The following LPIN3 variants were observed in gnomAD, a reference collection of about 807,000 sequenced individuals.
LPIN3 encodes phosphatidate phosphatase LPIN3.
A neutral mutation model predicts 94.7 loss-of-function variants in LPIN3; 82 were observed. The observed-to-expected ratio is 0.87, with a 90% CI of 0.72 to 1.04. The LOEUF is 1.04. LPIN3 is among the 50% of genes least tolerant of loss of function. LPIN3 has a pLI of 0.00. For missense variants in LPIN3, 996 were observed against 1,090.5 expected (o/e 0.91, Z 1.22); for synonymous variants, 418 against 443.3 (o/e 0.94, Z 0.72).
intron 3 of LPIN3, 88 bp downstream of exon 3, chr20:41,347,735 C>G (rs926182235): frequency 1.7e-6 from 2 of 1,194,246 alleles, no homozygotes; most frequent in East Asian, 2.6e-5. Context: ...TCACCATCCT[C>G]GCCCTTCCCC....
At chr20:41,351,997 G>T in intron 8 of LPIN3, 63 bp from the exon 9 acceptor site, 2 of 1,613,220 alleles carry the variant, frequency 1.2e-6, no homozygotes, top group South Asian at 2.2e-5. Flanking sequence ...GGGCCTGTGA[G>T]GAGGGAGGAC....
At chr20:41,354,900 G>C in intron 13 of LPIN3, 37 bp downstream of exon 13, 2 of 1,544,896 alleles carry the variant, frequency 1.3e-6, no homozygotes, top group South Asian at 2.4e-5. Context: ...TGCAGGGGGA[G>C]CCTGGGAAAG....
chr20:41,346,157 G>C (rs986275821), intron 2 of LPIN3, among the ~76,000 whole-genome samples, 162 bp downstream of exon 2: 3 of 152,180 alleles, frequency 2.0e-5, no homozygotes, highest in Admixed American at 2.0e-4. Context: ...TTTTTGGGTT[G>C]ATTTGGGGGT....
In LPIN3 at chr20:41,357,099, C is replaced by T. The variant is rs1214300478; in HGVS notation, c.1863C>T (p.Tyr621=). The T allele has an allele frequency of 6.2e-7, 1 of 1,614,094 alleles. No individual in the cohort carries two copies. The highest frequency in any genetic ancestry group is 1.3e-5 in the African/African-American group (1 of 75,054). ...NDVVFSVTTQ[Y]QGTCRCKATI... ...TGGTCTTCAGCGTGACCACTCAGTA[C>T]CAGGGCACCTGCCGCTGCAAGGCCA... is the stretch of plus-strand genomic sequence containing the variant. The change falls in exon 15 of 20, where the codon TAC becomes TAT. Residue 621 remains tyrosine (Y), a synonymous_variant. Transcript: ENST00000373257.
rs2046027553 is a variant in LPIN3, at chr20:41,351,851, C to G, written c.1133C>G (p.Pro378Arg). 1 of 1,614,198 alleles carries G rather than the reference C, an allele frequency of 6.2e-7. No individual in the cohort carries two copies. Among genetic ancestry groups the G allele is most frequent in the Admixed American group, 1.7e-5 (1 of 60,026 alleles). ...GSPKRSQHLG[P>R]SDIYLDDLPS... ...CCAAAGAGAAGCCAGCACCTGGGCC[C>G]CAGTGACATCTACCTGGATGACTTG... Residue 378 changes from proline to arginine, a missense_variant, in exon 8 of 20, where the codon CCC becomes CGC. Coordinates refer to ENST00000373257, the MANE Select transcript of LPIN3 (RefSeq NM_022896.3).
intron 5 of LPIN3, 24 bp from the exon 6 acceptor site, chr20:41,349,750 G>T: frequency 6.2e-7 from 1 of 1,601,460 alleles, no homozygotes; most frequent in South Asian, 1.1e-5. Context: ...GCAGGCTCAA[G>T]GCCTCTCAAT....
In LPIN3 at chr20:41,349,115, C is replaced by T. The variant is rs1265656101; in HGVS notation, c.581C>T (p.Ser194Leu). The T allele has an allele frequency of 6.2e-7, 1 of 1,614,088 alleles. No homozygotes were observed. The highest frequency in any genetic ancestry group is 8.5e-7 in the Non-Finnish European group (1 of 1,180,034). ...AGTGTCCAGTTGGAAGAGAAGTCTTCACTGCAGCCCAAAGACATCTACCCC... is the reference window on the plus strand; with the variant it reads ...AGTGTCCAGTTGGAAGAGAAGTCTTTACTGCAGCCCAAAGACATCTACCCC... ...PPGVQLEEKS[S>L]LQPKDIYPYS... The change falls in exon 5 of 20, where the codon TCA becomes TTA. Residue 194 changes from serine to leucine, a missense_variant. Transcript: ENST00000373257.
chr20:41,349,628 A>G, intron 5 of LPIN3, 146 bp from the exon 6 acceptor site: 1 of 948,716 alleles, frequency 1.1e-6, no homozygotes, highest in South Asian at 2.4e-5. Flanking sequence ...ATATTTGTAT[A>G]CTCTTTAGAT....
At chr20:41,356,652 G>T (rs1180451319) in intron 14 of LPIN3, among the ~76,000 whole-genome samples, 1 of 152,164 alleles carries the variant, frequency 6.6e-6, no homozygotes, top group Non-Finnish European at 1.5e-5. Context: ...GCCCCAAGGA[G>T]GGGCTTCCTA....
chr20:41,357,318 C>A (rs766721578), intron 15 of LPIN3, 43 bp from the exon 16 acceptor site: 1 of 1,605,768 alleles, frequency 6.2e-7, no homozygotes, highest in African/African-American at 1.3e-5. Flanking sequence ...GGAGCTGGGC[C>A]ACGTGGAGCT....
In LPIN3 at chr20:41,348,658, TGGG is replaced by T; in HGVS notation, c.333_335del (p.Gly112del). ...CGGCCTGTGCACCTCACCCATCCCT[TGGG>T]GGGGTCTGTCTGGCTTCCCCTCGGA... On this transcript the variant is annotated inframe_deletion, in exon 4 of 20. Coordinates refer to ENST00000373257, the MANE Select transcript of LPIN3 (RefSeq NM_022896.3). The T allele has an allele frequency of 1.1e-5, 17 of 1,613,342 alleles. No homozygotes were observed. Among genetic ancestry groups the T allele is most frequent in the Non-Finnish European group, 1.3e-5 (15 of 1,179,538 alleles).
At position 41,357,198 on chromosome 20, in the gene LPIN3, A is replaced by C. The variant is rs1419197457; in HGVS notation, c.1952+10A>C. The C allele has an allele frequency of 6.2e-7, 1 of 1,613,632 alleles. No homozygotes were observed. On this transcript the variant is annotated intron_variant, in intron 15 of 19. Transcript: ENST00000373257. Reference sequence around the variant, plus strand: ...ACGGCACCATCACCAAGTGAGGCCCACCCAGCTGTGGGAAGGGGAGGGAGA... The same window carrying C: ...ACGGCACCATCACCAAGTGAGGCCCCCCCAGCTGTGGGAAGGGGAGGGAGA...
chr20:41,357,770 A>G (rs996905839), intron 16 of LPIN3, 112 bp from the exon 17 acceptor site: 16 of 1,410,870 alleles, frequency 1.1e-5, no homozygotes, highest in African/African-American at 1.4e-5. Context: ...CCTCCCTGCA[A>G]AGGTTGGAAC....
chr20:41,357,413 C>G lies in LPIN3; in HGVS notation c.2005C>G (p.Gln669Glu), dbSNP rs771463560. 1.1e-5 allele frequency: 18 copies of G among 1,613,816 alleles called. No individual in the cohort carries two copies. The African/African-American group carries it at 1.5e-4, about 13-fold the overall frequency. ...CCAGCTGGGGAAAGACTGGACACAC[C>G]AGGGCATCACCAGTCTCTATCACAA... ...LPQLGKDWTHQGITSLYHKIQ... is the reference protein window; with the variant it reads ...LPQLGKDWTHEGITSLYHKIQ... Residue 669 changes from glutamine (Q) to glutamate (E), a missense_variant, in exon 16 of 20, where the codon CAG (glutamine) becomes GAG (glutamate). Physicochemically the swap from Gln to Glu is conservative, Grantham distance 29. Coordinates refer to ENST00000373257, the MANE Select transcript of LPIN3 (RefSeq NM_022896.3).
In LPIN3 at chr20:41,354,740, G is replaced by A; in HGVS notation, c.1620+3G>A. ...GCAGGGACTTCCTGGCCGAGGAGGT[G>A]GGTGGTCACAGTCGAGGGCCAGGGC... is the stretch of plus-strand genomic sequence containing the variant. On this transcript the variant is annotated splice_donor_region_variant and intron_variant, in intron 12 of 19. Coordinates refer to ENST00000373257, the MANE Select transcript of LPIN3 (RefSeq NM_022896.3). 6.2e-7 allele frequency: 1 copy of A among 1,607,940 alleles called. No individual in the cohort carries two copies. The highest frequency in any genetic ancestry group is 8.5e-7 in the Non-Finnish European group (1 of 1,176,240).
rs576163937 is a variant in LPIN3, at chr20:41,354,526, C to G, written c.1528-119C>G. 29 of 898,796 alleles carry G rather than the reference C, an allele frequency of 3.2e-5. No homozygotes were observed. The South Asian group carries it at 5.5e-4, about 17-fold the overall frequency. The allele number at this position is 898,796 out of a possible 1,614,324, so 55.7% of individuals were successfully genotyped here. ...TTCCTTGGCCTCCAGATGTTGACAG[C>G]ACCTTACCCTAGGGTTGGCTCAGAC... On this transcript the variant is annotated intron_variant, in intron 11 of 19. Coordinates refer to ENST00000373257, the MANE Select transcript of LPIN3 (RefSeq NM_022896.3).
intron 11 of LPIN3, 148 bp downstream of exon 11, chr20:41,353,015 A>G: frequency 2.3e-6 from 2 of 853,338 alleles, no homozygotes; most frequent in Non-Finnish European, 1.9e-6. Context: ...GGGAGAGGCG[A>G]CACACGTCCC....
At chr20:41,352,008 C>G (rs1320891562) in intron 8 of LPIN3, 52 bp from the exon 9 acceptor site, 2 of 1,611,808 alleles carry the variant, frequency 1.2e-6, no homozygotes, top group Non-Finnish European at 1.7e-6. Context: ...GAGGGAGGAC[C>G]CATCTCCCGC....
intron 14 of LPIN3, 21 bp from the exon 15 acceptor site, chr20:41,357,018 AC>A (rs2046231078): frequency 6.2e-7 from 1 of 1,604,966 alleles, no homozygotes; most frequent in Non-Finnish European, 8.5e-7. Context: ...ATCACGACAC[AC>A]CCCCCTTTGT....
Sources: allele counts gnomAD v4.1 joint callset (sites outside exome capture counted in the v4.1 genomes callset), GRCh38; gene constraint gnomAD v4.1.1; transcripts MANE v1.5; gene names NCBI Gene and HGNC (gene_info 2026-07-23, HGNC 2026-07-21).